The following SLIT3 variants were observed in gnomAD, a reference collection of about 807,000 sequenced individuals.
SLIT3 encodes the protein slit homolog 3 protein.
SLIT3 carries 68 observed loss-of-function variants against 184.0 expected under a neutral mutation model. The observed-to-expected ratio is 0.37, with a 90% CI of 0.30 to 0.45. The LOEUF is 0.45. Ranked by LOEUF, SLIT3 falls within the 20% of genes least tolerant of loss-of-function variation. The pLI is 1.00. For synonymous variants in SLIT3, 831 were observed against 828.6 expected (o/e 1.00, Z -0.05); for missense variants, 1,707 against 2,026.0 (o/e 0.84, Z 3.02).
At chr5:168,923,053 A>G (rs866217670) in intron 4 of SLIT3, among the ~76,000 whole-genome samples, 1 of 152,204 alleles carries the variant, frequency 6.6e-6, no homozygotes, top group Non-Finnish European at 1.5e-5. Flanking sequence ...GTGCTTGACT[A>G]GATGGGAGCA....
chr5:168,777,042 T>C (rs1426939051), intron 12 of SLIT3, among the ~76,000 whole-genome samples: 1 of 151,264 alleles, frequency 6.6e-6, no homozygotes, highest in Non-Finnish European at 1.5e-5. Context: ...TCCTCTGTTT[T>C]AAAAATTGGA....
chr5:168,883,681 T>G (rs1387026579), intron 4 of SLIT3, among the ~76,000 whole-genome samples: 7 of 39,352 alleles, frequency 1.8e-4, no homozygotes, highest in Non-Finnish European at 5.3e-5. Context: ...CTGCCCCCCA[T>G]CCCCCCAACC....
At chr5:168,927,656 T>C (rs1761872603) in intron 4 of SLIT3, among the ~76,000 whole-genome samples, 1 of 152,248 alleles carries the variant, frequency 6.6e-6, no homozygotes, top group African/African-American at 2.4e-5. Flanking sequence ...CAGCCATTCC[T>C]GGCACTCACC....
At chr5:168,927,000 C>T (rs375956040) in intron 4 of SLIT3, among the ~76,000 whole-genome samples, 7 of 152,282 alleles carry the variant, frequency 4.6e-5, no homozygotes, top group Non-Finnish European at 5.9e-5. Context: ...AATTACCATA[C>T]GATCCAGCAG....
chr5:169,157,026 A>C (rs1481403002), intron 4 of SLIT3, among the ~76,000 whole-genome samples: 26 of 151,976 alleles, frequency 1.7e-4, no homozygotes, highest in Admixed American at 1.7e-3. Flanking sequence ...ACCACACACA[A>C]AAAAATCTGG....
intron 20 of SLIT3, among the ~76,000 whole-genome samples, chr5:168,743,439 T>G (rs1763701826): frequency 6.6e-6 from 1 of 152,200 alleles, no homozygotes; most frequent in Non-Finnish European, 1.5e-5. Context: ...TTGTAATTGT[T>G]TTGAGGCACC....
At chr5:169,187,789 A>C (rs1397048381) in intron 4 of SLIT3, among the ~76,000 whole-genome samples, 1 of 151,618 alleles carries the variant, frequency 6.6e-6, no homozygotes, top group Non-Finnish European at 1.5e-5. Flanking sequence ...CCTGGCTTCA[A>C]GTGATCAGCC....
At position 168,806,545 on chromosome 5, in the gene SLIT3, G is replaced by C. The variant is rs150011968; in HGVS notation, c.836C>G (p.Ser279Cys). The C allele has an allele frequency of 1.3e-4, 214 of 1,614,230 alleles. No individual in the cohort carries two copies. The highest frequency in any genetic ancestry group is 1.2e-3 in the Middle Eastern group (7 of 6,062). ...GCTGCACGTGCAGGGCGAAGGGCAG[G>C]AGATGGAGTTGGCATTGCAGGATGG... ...EPPSCNANSI[S>C]CPSPCTCSNN... The change falls in exon 9 of 36, where the codon TCC becomes TGC. Residue 279 changes from serine to cysteine, a missense_variant. Physicochemically the swap from Ser to Cys is moderately radical, Grantham distance 112. This residue lies in a region of SLIT3 where 1,307 missense variants were observed against 1,511.6 expected (regional missense o/e 0.86). Transcript: ENST00000519560.
At chr5:168,700,434 C>G (rs1762180794) in intron 27 of SLIT3, 148 bp downstream of exon 27, 7 of 638,278 alleles carry the variant, frequency 1.1e-5, no homozygotes, top group Non-Finnish European at 1.7e-5. Flanking sequence ...CCTTTGCCTT[C>G]TGCCATGATT....
chr5:168,886,521 C>T (rs7711743), intron 4 of SLIT3, among the ~76,000 whole-genome samples: 50,368 of 152,054 alleles, frequency 0.33, 8,939 homozygotes, highest in East Asian at 0.59. Flanking sequence ...AAGAGCCTAG[C>T]GCTGGCCAAT....
intron 4 of SLIT3, among the ~76,000 whole-genome samples, chr5:169,048,463 G>A (rs1370235372): frequency 6.6e-6 from 1 of 152,168 alleles, no homozygotes; most frequent in Non-Finnish European, 1.5e-5. Context: ...GGTGAAGCTG[G>A]TAATTTGGTT....
intron 7 of SLIT3, among the ~76,000 whole-genome samples, chr5:168,821,106 T>G (rs1445557343): frequency 6.6e-6 from 1 of 152,156 alleles, no homozygotes. Flanking sequence ...ATTGATTGAT[T>G]GATCTGAACT....
intron 4 of SLIT3, among the ~76,000 whole-genome samples, chr5:168,961,290 A>C (rs1762998425): frequency 6.6e-6 from 1 of 152,222 alleles, no homozygotes; most frequent in Non-Finnish European, 1.5e-5. Flanking sequence ...ATTCATTCAA[A>C]AGACATGTAT....
intron 4 of SLIT3, among the ~76,000 whole-genome samples, chr5:169,092,325 G>A (rs968955126): frequency 6.6e-6 from 1 of 152,220 alleles, no homozygotes; most frequent in African/African-American, 2.4e-5. Flanking sequence ...ACCAAGGATG[G>A]TGAGTAAATG....
chr5:169,076,932 CCTCT>C lies in SLIT3; in HGVS notation c.413+116543_413+116546del, dbSNP rs571786291. Among the ~76,000 whole-genome samples the C allele has an allele frequency of 2.7e-3, 414 of 151,740 alleles. 1 individual carries two copies. The highest frequency in any genetic ancestry group is 9.7e-3 in the African/African-American group (402 of 41,364). On this transcript the variant is annotated intron_variant, in intron 4 of 35. Transcript: ENST00000519560. ...TACAACTCTCACACACACAAAAATC[CCTCT>C]CTCTCATACACACACGCACACACAC...
At chr5:169,020,788 C>G (rs1756568249) in intron 4 of SLIT3, among the ~76,000 whole-genome samples, 2 of 152,178 alleles carry the variant, frequency 1.3e-5, no homozygotes, top group Admixed American at 6.5e-5. Context: ...CCAGAGAGGA[C>G]AGTGGTCGCG....
chr5:168,855,260 A>G (rs970048359), intron 5 of SLIT3, among the ~76,000 whole-genome samples: 13 of 152,246 alleles, frequency 8.5e-5, no homozygotes, highest in African/African-American at 3.1e-4. Flanking sequence ...ACACTCCTAC[A>G]TAGCTGGAGG....
intron 20 of SLIT3, among the ~76,000 whole-genome samples, chr5:168,739,240 C>G (rs185615539): frequency 2.0e-5 from 3 of 152,068 alleles, no homozygotes; most frequent in Non-Finnish European, 2.9e-5. Flanking sequence ...CCATTCAAAG[C>G]GTAAGACAGA....
At chr5:168,718,575 C>A (rs893836567) in intron 23 of SLIT3, among the ~76,000 whole-genome samples, 4 of 151,994 alleles carry the variant, frequency 2.6e-5, no homozygotes, top group African/African-American at 4.8e-5. Context: ...TTTTCAGATT[C>A]GGAGCCAAGT....
Sources: gnomAD v4.1 joint callset for allele counts (sites outside exome capture counted in the v4.1 genomes callset) on GRCh38, gnomAD v4.1.1 for gene constraint, gnomAD v4.1.1 regional missense constraint, MANE v1.5 for transcripts, NCBI Gene and HGNC (gene_info 2026-07-23, HGNC 2026-07-21) for gene names.